The following DCC variants were observed in gnomAD, a reference collection of about 807,000 sequenced individuals.
DCC encodes the protein DCC netrin 1 receptor, also known as netrin receptor DCC.
DCC carries 58 observed loss-of-function variants against 172.5 expected under a neutral mutation model. The observed-to-expected ratio is 0.34, with a 90% CI of 0.27 to 0.42. The LOEUF (loss-of-function observed/expected upper bound fraction) is 0.42, where lower values mean the gene tolerates loss of function less well. DCC is among the 10% of genes least tolerant of loss of function. The pLI is 1.00. For missense variants in DCC, 1,740 were observed against 1,791.0 expected, an observed-to-expected ratio of 0.97 and a Z score of 0.51; for synonymous variants, 709 against 644.5, an observed-to-expected ratio of 1.10 and a Z score of -1.52.
chr18:53,277,953 TTG>T (rs1412161505), intron 12 of DCC, among the ~76,000 whole-genome samples: 1 of 152,192 alleles, frequency 6.6e-6, no homozygotes, highest in East Asian at 1.9e-4. Context: ...TTGCTGTTAT[TTG>T]ATAAATAATA....
At chr18:52,857,760 A>C (rs1468783764) in intron 2 of DCC, among the ~76,000 whole-genome samples, 1 of 152,202 alleles carries the variant, frequency 6.6e-6, no homozygotes, top group Admixed American at 6.5e-5. Flanking sequence ...TTGTTTGAAT[A>C]GTCAAGTTTT....
At chr18:53,175,996 C>G (rs1227316238) in intron 8 of DCC, among the ~76,000 whole-genome samples, 15 of 151,456 alleles carry the variant, frequency 9.9e-5, no homozygotes, top group Admixed American at 3.9e-4. Context: ...ATCAATGGAA[C>G]AGAACAGAGC....
chr18:53,032,779 T>A lies in DCC; in HGVS notation c.986-30526T>A, dbSNP rs1423022563. Among the ~76,000 whole-genome samples, 4 of 152,122 alleles carry A rather than the reference T, an allele frequency of 2.6e-5. 1 individual carries two copies. In the South Asian group the frequency reaches 8.3e-4, roughly 32 times the overall value. On this transcript the variant is annotated intron_variant, in intron 5 of 28. Coordinates refer to ENST00000442544, the MANE Select transcript of DCC (RefSeq NM_005215.4). The stretch of plus-strand genomic sequence containing the variant: ...CATAGGGATTCTTTTCTGAGCAGAG[T>A]TTGGAGCCCTGTAGCTGACTGCTGG...
At chr18:52,619,725 C>T (rs1235842127) in intron 1 of DCC, among the ~76,000 whole-genome samples, 1 of 152,094 alleles carries the variant, frequency 6.6e-6, no homozygotes, top group Admixed American at 6.6e-5. Context: ...TTCAGAGTTT[C>T]CTAATCTAAT....
At chr18:52,696,368 C>T (rs1338987656) in intron 1 of DCC, among the ~76,000 whole-genome samples, 2 of 152,270 alleles carry the variant, frequency 1.3e-5, no homozygotes, top group South Asian at 2.1e-4. Context: ...TCAAGCTCAA[C>T]AGGACATCTG....
At chr18:53,175,147 C>T (rs2055071624) in intron 8 of DCC, among the ~76,000 whole-genome samples, 1 of 152,130 alleles carries the variant, frequency 6.6e-6, no homozygotes, top group East Asian at 1.9e-4. Flanking sequence ...TAAAAACTCT[C>T]AATAAATTAG....
At chr18:52,833,286 G>C (rs1356637637) in intron 2 of DCC, among the ~76,000 whole-genome samples, 2 of 152,044 alleles carry the variant, frequency 1.3e-5, no homozygotes. Flanking sequence ...AAGATCCTTG[G>C]GAAGGCTAAT....
At chr18:53,129,222 T>C (rs947283529) in intron 7 of DCC, among the ~76,000 whole-genome samples, 1 of 152,084 alleles carries the variant, frequency 6.6e-6, no homozygotes, top group South Asian at 2.1e-4. Flanking sequence ...AATAGGCATA[T>C]CTTTTAGATG....
intron 9 of DCC, among the ~76,000 whole-genome samples, chr18:53,193,614 G>A (rs192046920): frequency 3.9e-5 from 6 of 152,018 alleles, no homozygotes; most frequent in Non-Finnish European, 7.4e-5. Context: ...CTTTACTGCT[G>A]GTCTCTGTTA....
intron 3 of DCC, among the ~76,000 whole-genome samples, chr18:52,908,929 C>G (rs888303545): frequency 1.1e-4 from 17 of 152,062 alleles, no homozygotes; most frequent in Admixed American, 1.1e-3. Flanking sequence ...CACACACACA[C>G]AGGTTATTGT....
intron 12 of DCC, among the ~76,000 whole-genome samples, chr18:53,223,855 A>G (rs12968428): frequency 0.34 from 52,464 of 152,114 alleles, 10,710 homozygotes; most frequent in East Asian, 0.71. Flanking sequence ...CACACATTCA[A>G]TGAATACCTA....
intron 27 of DCC, among the ~76,000 whole-genome samples, chr18:53,508,521 C>G (rs2046211893): frequency 6.6e-6 from 1 of 152,142 alleles, no homozygotes; most frequent in Admixed American, 6.6e-5. Context: ...ACCACGATAA[C>G]CTAGTATGCT....
chr18:53,217,388 C>G (rs1343476484), intron 12 of DCC, among the ~76,000 whole-genome samples: 1 of 151,762 alleles, frequency 6.6e-6, no homozygotes, highest in Non-Finnish European at 1.5e-5. Context: ...CAAGCAAATA[C>G]AAACACTTCT....
intron 7 of DCC, among the ~76,000 whole-genome samples, chr18:53,077,279 A>G (rs1163560874): frequency 6.6e-6 from 1 of 152,090 alleles, no homozygotes; most frequent in Non-Finnish European, 1.5e-5. Flanking sequence ...TATACTCAAC[A>G]TTCTACCTTG....
Position 52,783,517 on chromosome 18 carries a change from T to C in DCC, c.412+31143T>C, listed in dbSNP as rs181409637. On this transcript the variant is annotated intron_variant, in intron 2 of 28. Transcript: ENST00000442544. ...TATAAAAAGTAAGTTATGTCCATGA[T>C]GTTGATAGTATTATTTTTTCTGTAA... Among the ~76,000 whole-genome samples the C allele has an allele frequency of 4.1e-4, 62 of 151,820 alleles. 1 individual carries two copies. The South Asian group carries it at 6.4e-3, about 16-fold the overall frequency.
chr18:53,341,201 T>C (rs1034606922), intron 15 of DCC, among the ~76,000 whole-genome samples: 3 of 152,214 alleles, frequency 2.0e-5, no homozygotes, highest in African/African-American at 7.2e-5. Flanking sequence ...TTCATCTTGA[T>C]GCCACTCAAC....
chr18:52,495,284 G>A (rs1266375347), intron 1 of DCC, among the ~76,000 whole-genome samples: 1 of 152,066 alleles, frequency 6.6e-6, no homozygotes. Flanking sequence ...TTTTAAGTGG[G>A]ATCCTGACAG....
At chr18:53,065,247 T>C (rs1193688372) in intron 6 of DCC, among the ~76,000 whole-genome samples, 1 of 152,200 alleles carries the variant, frequency 6.6e-6, no homozygotes, top group Non-Finnish European at 1.5e-5. Context: ...GTAATATTTA[T>C]CTCTTAATGA....
At chr18:53,411,563 A>G (rs1481586990) in intron 20 of DCC, among the ~76,000 whole-genome samples, 1 of 152,076 alleles carries the variant, frequency 6.6e-6, no homozygotes, top group African/African-American at 2.4e-5. Context: ...ACATACTAAA[A>G]GAAGAGTCTT....
Sources: allele counts gnomAD v4.1 joint callset (sites outside exome capture counted in the v4.1 genomes callset), GRCh38; gene constraint gnomAD v4.1.1; transcripts MANE v1.5; gene names NCBI Gene and HGNC (gene_info 2026-07-23, HGNC 2026-07-21).